Variants in AKAP6 observed in about 807,000 individuals in gnomAD.
The protein encoded by AKAP6 is A-kinase anchoring protein 6.
A neutral mutation model predicts 188.5 loss-of-function variants in AKAP6; 58 were observed. That is an observed-to-expected ratio of 0.31 (90% CI 0.25 to 0.38). AKAP6 has a LOEUF of 0.38. Ranked by LOEUF, AKAP6 falls within the 10% of genes least tolerant of loss-of-function variation. The pLI, the probability that AKAP6 is intolerant of heterozygous loss-of-function variation, is 1.00. For missense variants in AKAP6, 2,710 were observed against 2,740.0 expected (o/e 0.99, Z 0.24); for synonymous variants, 989 against 998.6 (o/e 0.99, Z 0.18).
At chr14:32,689,362 C>T (rs529713990) in intron 8 of AKAP6, among the ~76,000 whole-genome samples, 2 of 152,094 alleles carry the variant, frequency 1.3e-5, no homozygotes, top group Non-Finnish European at 2.9e-5. Flanking sequence ...TGTTGGTGGA[C>T]AGATGGTCCA....
chr14:32,689,289 C>T (rs1227189512), intron 8 of AKAP6, among the ~76,000 whole-genome samples: 2 of 152,012 alleles, frequency 1.3e-5, no homozygotes, highest in African/African-American at 2.4e-5. Flanking sequence ...TATAGATTAT[C>T]TCGTTGGTTA....
At chr14:32,422,153 T>G (rs1889871416) in intron 1 of AKAP6, among the ~76,000 whole-genome samples, 1 of 152,194 alleles carries the variant, frequency 6.6e-6, no homozygotes, top group African/African-American at 2.4e-5. Context: ...TCTTAACATA[T>G]GATTGTCTCT....
chr14:32,785,677 T>C (rs2033379264), intron 12 of AKAP6, among the ~76,000 whole-genome samples: 1 of 151,628 alleles, frequency 6.6e-6, no homozygotes, highest in African/African-American at 2.4e-5. Flanking sequence ...GGAAGTAGTA[T>C]GGGATTTTGC....
chr14:32,681,475 A>T (rs1160937062), intron 8 of AKAP6, among the ~76,000 whole-genome samples: 1 of 152,174 alleles, frequency 6.6e-6, no homozygotes, highest in Non-Finnish European at 1.5e-5. Context: ...GTAAGGATTT[A>T]TCTGGACTCT....
At chr14:32,596,109 G>C (rs537160938) in intron 5 of AKAP6, among the ~76,000 whole-genome samples, 160 of 152,230 alleles carry the variant, frequency 1.1e-3, no homozygotes, top group Non-Finnish European at 2.0e-3. Flanking sequence ...GTGATCGAAA[G>C]TCTGTGTTCG....
intron 1 of AKAP6, among the ~76,000 whole-genome samples, chr14:32,426,985 G>A (rs1890053744): frequency 6.6e-6 from 1 of 152,150 alleles, no homozygotes; most frequent in Non-Finnish European, 1.5e-5. Flanking sequence ...TGGTCTCTAA[G>A]TGATTAGCAG....
Position 32,824,121 on chromosome 14 carries a change from A to C in AKAP6, c.6308A>C (p.Gln2103Pro), listed in dbSNP as rs769076564. ...TTGGAGCATTCTCACCGGCCCATCC[A>C]GCTGAGAAAAGGGGACTTTTATTCG... The part of the protein sequence containing the change: ...KVLEHSHRPI[Q>P]LRKGDFYSYL... Residue 2103 changes from glutamine to proline, a missense_variant, in exon 13 of 14, where the codon CAG (glutamine) becomes CCG (proline). Transcript: ENST00000280979. The C allele has an allele frequency of 6.2e-7, 1 of 1,613,992 alleles. No individual in the cohort carries two copies. The highest frequency in any genetic ancestry group is 8.5e-7 in the Non-Finnish European group (1 of 1,179,930).
At chr14:32,665,846 G>A (rs1463104429) in intron 7 of AKAP6, among the ~76,000 whole-genome samples, 1 of 152,136 alleles carries the variant, frequency 6.6e-6, no homozygotes, top group Non-Finnish European at 1.5e-5. Context: ...TAATGCCTGT[G>A]TATATTTGGT....
chr14:32,446,738 G>A (rs553433248), intron 2 of AKAP6, among the ~76,000 whole-genome samples: 1 of 151,792 alleles, frequency 6.6e-6, no homozygotes, highest in South Asian at 2.1e-4. Context: ...TTAAAATTCA[G>A]TACATCTTTA....
At chr14:32,812,977 AT>A (rs1332462543) in intron 12 of AKAP6, among the ~76,000 whole-genome samples, 7 of 152,120 alleles carry the variant, frequency 4.6e-5, no homozygotes, top group Non-Finnish European at 8.8e-5. Context: ...GTGTTCTACT[AT>A]TTAATCCAAC....
chr14:32,546,546 A>G lies in AKAP6; in HGVS notation c.1893A>G (p.Leu631=). Residue 631 remains leucine, a synonymous_variant, in exon 4 of 14, where the codon CTA becomes CTG. Coordinates refer to ENST00000280979, the MANE Select transcript of AKAP6 (RefSeq NM_004274.5). ...VEAWYGSDEY[L]ALPSHLKQTE... The stretch of plus-strand genomic sequence containing the variant: ...CCTGGTATGGCTCTGATGAATACCT[A>G]GCACTGCCCTCTCACCTTAAGCAGA... The G allele has an allele frequency of 6.2e-7, 1 of 1,614,184 alleles. No individual in the cohort carries two copies.
At chr14:32,642,014 A>G (rs1475683822) in intron 7 of AKAP6, among the ~76,000 whole-genome samples, 3 of 152,176 alleles carry the variant, frequency 2.0e-5, no homozygotes, top group Admixed American at 2.0e-4. Context: ...GTATAACATC[A>G]TTTACTTGGA....
chr14:32,712,412 G>A (rs1352887579), intron 9 of AKAP6, among the ~76,000 whole-genome samples: 1 of 151,926 alleles, frequency 6.6e-6, no homozygotes, highest in Admixed American at 6.6e-5. Context: ...TTAAAATAAG[G>A]CAATGAAGTT....
intron 1 of AKAP6, among the ~76,000 whole-genome samples, chr14:32,404,256 T>G (rs1016996147): frequency 6.6e-6 from 1 of 152,158 alleles, no homozygotes; most frequent in Non-Finnish European, 1.5e-5. Flanking sequence ...GAATTAATTC[T>G]TTCCATTAGC....
chr14:32,412,715 C>G (rs766636897), intron 1 of AKAP6, among the ~76,000 whole-genome samples: 1 of 152,154 alleles, frequency 6.6e-6, no homozygotes, highest in Non-Finnish European at 1.5e-5. Flanking sequence ...TAGTTACACT[C>G]TTCAAGTCTC....
intron 1 of AKAP6, among the ~76,000 whole-genome samples, chr14:32,388,348 T>C (rs939151320): frequency 1.8e-4 from 27 of 152,112 alleles, no homozygotes; most frequent in African/African-American, 6.0e-4. Flanking sequence ...TGTTTGTTTG[T>C]TTCAATTTCA....
chr14:32,668,745 A>G (rs1481409415), intron 7 of AKAP6, among the ~76,000 whole-genome samples: 1 of 152,056 alleles, frequency 6.6e-6, no homozygotes, highest in Non-Finnish European at 1.5e-5. Flanking sequence ...CAATATGATC[A>G]GTTTTATGAT....
rs1261786085 is a variant in AKAP6 at position 32,568,246 on chromosome 14, G to A, written c.2347-8874G>A. 6.6e-6 allele frequency among the ~76,000 whole-genome samples: 1 copy of A among 152,138 alleles called. No individual in the cohort carries two copies. The highest frequency in any genetic ancestry group is 1.5e-5 in the Non-Finnish European group (1 of 68,026). On this transcript the variant is annotated intron_variant, in intron 4 of 13. Transcript: ENST00000280979. This position sits in a 1 kb window ranked among gnomAD's most constrained non-coding sequence, Gnocchi z 6.2. ...GTGGGAACAAATCTGGTTAGAGAGA[G>A]AATATAGCACAGTAGTCCAGAGCTT...
chr14:32,453,363 A>G (rs1194651241), intron 2 of AKAP6, among the ~76,000 whole-genome samples: 1 of 152,104 alleles, frequency 6.6e-6, no homozygotes, highest in Non-Finnish European at 1.5e-5. Flanking sequence ...CCACAGCTCT[A>G]ATGATATAGT....
Sources: gnomAD v4.1 joint callset for allele counts (sites outside exome capture counted in the v4.1 genomes callset) on GRCh38, gnomAD v4.1.1 for gene constraint, Gnocchi (gnomAD v3.1) non-coding constraint, MANE v1.5 for transcripts, NCBI Gene and HGNC (gene_info 2026-07-23, HGNC 2026-07-21) for gene names.